SOX5: variants seen among roughly 807,000 people sequenced by gnomAD.
The protein encoded by SOX5 is SRY-box transcription factor 5.
Under a neutral mutation model 92.0 loss-of-function variants are expected in SOX5, and 9 were observed. The ratio of observed to expected loss-of-function variants is 0.10; its 90% CI spans 0.06 to 0.17. The LOEUF (loss-of-function observed/expected upper bound fraction) is 0.17, where lower values mean the gene tolerates loss of function less well. Ranked by LOEUF, SOX5 falls within the 10% of genes least tolerant of loss-of-function variation. The probability of loss-of-function intolerance (pLI) is 1.00; values close to 1 mark genes in which losing one functional copy is unlikely to be tolerated. For synonymous variants in SOX5, 344 were observed against 336.3 expected, an observed-to-expected ratio of 1.02 and a Z score of -0.25; for missense variants, 642 against 944.5, an observed-to-expected ratio of 0.68 and a Z score of 4.20.
At chr12:24,362,867 A>G (rs1455140889) in intron 2 of SOX5, among the ~76,000 whole-genome samples, 3 of 37,984 alleles carry the variant, frequency 7.9e-5, no homozygotes, top group East Asian at 9.2e-4. Flanking sequence ...AACCACAGTG[A>G]AAAAAAAAAA....
intron 6 of SOX5, among the ~76,000 whole-genome samples, chr12:23,730,011 A>C (rs1026148814): frequency 6.6e-6 from 1 of 152,162 alleles, no homozygotes; most frequent in Non-Finnish European, 1.5e-5. Context: ...ATTTGTTGTC[A>C]TAATGAAAGC....
chr12:23,623,314 A>G (rs924520617), intron 8 of SOX5, among the ~76,000 whole-genome samples: 5 of 152,162 alleles, frequency 3.3e-5, no homozygotes, highest in South Asian at 2.1e-4. Flanking sequence ...AAACACTGAT[A>G]TATTTTTATT....
chr12:23,970,950 G>C (rs1948253285), intron 4 of SOX5, among the ~76,000 whole-genome samples: 1 of 144,238 alleles, frequency 6.9e-6, no homozygotes, highest in Non-Finnish European at 1.5e-5. Flanking sequence ...CCAGCACTTG[G>C]CTCACAATGG....
intron 3 of SOX5, among the ~76,000 whole-genome samples, chr12:24,222,774 C>T (rs896055174): frequency 1.2e-4 from 18 of 152,094 alleles, no homozygotes; most frequent in Non-Finnish European, 1.0e-4. Flanking sequence ...TTAGATTATG[C>T]TAAGAAACAT....
At chr12:24,074,619 C>T (rs2733671) in intron 4 of SOX5, among the ~76,000 whole-genome samples, 5 of 65,424 alleles carry the variant, frequency 7.6e-5, no homozygotes. Flanking sequence ...GTGTTTATTT[C>T]TGTAAACTAC....
chr12:24,016,879 G>C (rs1953689021), intron 4 of SOX5, among the ~76,000 whole-genome samples: 1 of 152,178 alleles, frequency 6.6e-6, no homozygotes. Flanking sequence ...ATTTTCCGTA[G>C]ATTTGATGTT....
intron 1 of SOX5, among the ~76,000 whole-genome samples, chr12:24,419,933 G>A (rs140013203): frequency 1.3e-5 from 2 of 152,282 alleles, no homozygotes; most frequent in East Asian, 3.9e-4. Flanking sequence ...CCAAAAGGGA[G>A]CCAAAGATAA....
intron 1 of SOX5, 77 bp downstream of exon 1, chr12:23,949,487 T>C (rs1483059403): frequency 6.4e-7 from 1 of 1,562,238 alleles, no homozygotes; most frequent in Admixed American, 1.7e-5. Context: ...TGGGGGAGCA[T>C]CTTCCAATGA....
At chr12:23,951,137 T>C (rs1945567806), upstream of SOX5, 3 of 447,054 alleles carry the variant, frequency 6.7e-6, no homozygotes, top group African/African-American at 2.0e-5. Flanking sequence ...GTCAGTTGAT[T>C]AGATTTTCTG....
chr12:24,176,155 A>T (rs1485110841), intron 4 of SOX5, among the ~76,000 whole-genome samples: 1 of 152,064 alleles, frequency 6.6e-6, no homozygotes, highest in Non-Finnish European at 1.5e-5. Flanking sequence ...GCATGATGAA[A>T]TCCCATCTCT....
intron 9 of SOX5, among the ~76,000 whole-genome samples, chr12:23,590,647 T>C (rs1023127548): frequency 4.6e-5 from 7 of 152,050 alleles, no homozygotes; most frequent in African/African-American, 1.4e-4. Context: ...TTCCCCATTA[T>C]ATTGTACTGT....
chr12:23,898,797 G>A (rs1239460501), intron 1 of SOX5, among the ~76,000 whole-genome samples: 2 of 152,190 alleles, frequency 1.3e-5, no homozygotes, highest in Non-Finnish European at 2.9e-5. Context: ...CATTTTCAGA[G>A]TGTTATAGAA....
chr12:24,295,915 C>T (rs1048249417), intron 2 of SOX5, among the ~76,000 whole-genome samples: 13 of 152,024 alleles, frequency 8.6e-5, no homozygotes, highest in African/African-American at 2.4e-4. Context: ...TAATATGCTG[C>T]CTATAGACTA....
chr12:23,616,466 T>C (rs1040356358), intron 8 of SOX5, among the ~76,000 whole-genome samples: 4 of 152,120 alleles, frequency 2.6e-5, no homozygotes, highest in African/African-American at 7.2e-5. Context: ...GGAGTCCCCG[T>C]TGGGGAAGAA....
chr12:24,193,798 C>G (rs1019737848), intron 4 of SOX5, among the ~76,000 whole-genome samples: 4 of 152,192 alleles, frequency 2.6e-5, no homozygotes, highest in African/African-American at 9.7e-5. Context: ...ATTTGGAACA[C>G]TGCCAACGTT....
intron 3 of SOX5, among the ~76,000 whole-genome samples, chr12:24,244,513 A>G (rs141900789): frequency 3.3e-5 from 5 of 152,256 alleles, no homozygotes; most frequent in Non-Finnish European, 5.9e-5. Context: ...ATGGTTAAAC[A>G]CTTGGGTGCT....
intron 4 of SOX5, among the ~76,000 whole-genome samples, chr12:23,747,678 A>G (rs1205893961): frequency 6.6e-6 from 1 of 152,078 alleles, no homozygotes; most frequent in Non-Finnish European, 1.5e-5. Context: ...TTTAGGCCAG[A>G]CAATTTTCAT....
intron 2 of SOX5, among the ~76,000 whole-genome samples, chr12:23,879,590 C>T (rs569390305): frequency 1.1e-4 from 16 of 152,240 alleles, no homozygotes; most frequent in Non-Finnish European, 1.9e-4. Flanking sequence ...ACAGATGTAA[C>T]TACTGAGGCC....
chr12:23,693,117 T>TA (rs34145609), intron 6 of SOX5, among the ~76,000 whole-genome samples: 146,975 of 152,150 alleles, frequency 0.97, 71,105 homozygotes, highest in East Asian at 1. Context: ...TTTTAATTAT[T>TA]TTATTATTGT....
Sources: gnomAD v4.1 joint callset for allele counts (sites outside exome capture counted in the v4.1 genomes callset) on GRCh38, gnomAD v4.1.1 for gene constraint, MANE v1.5 for transcripts, NCBI Gene and HGNC (gene_info 2026-07-23, HGNC 2026-07-21) for gene names.